The following KLF3 variants were observed in gnomAD, a reference collection of about 807,000 sequenced individuals.
KLF3 encodes the protein KLF transcription factor 3, also known as Krueppel-like factor 3.
KLF3 carries 6 observed loss-of-function variants against 32.7 expected under a neutral mutation model. The ratio of observed to expected loss-of-function variants is 0.18; its 90% CI spans 0.10 to 0.36. The LOEUF is 0.36. Ranked by LOEUF, KLF3 falls within the 10% of genes least tolerant of loss-of-function variation. The pLI is 1.00. For missense variants in KLF3, 338 were observed against 449.7 expected (o/e 0.75, Z 2.25); for synonymous variants, 145 against 172.8 (o/e 0.84, Z 1.26).
intron 1 of KLF3, among the ~76,000 whole-genome samples, chr4:38,676,961 T>G (rs1245570004): frequency 1.2e-4 from 18 of 149,926 alleles, no homozygotes; most frequent in East Asian, 1.2e-3. Context: ...AGTGTGTTTT[T>G]TTTTTTTTTT....
At chr4:38,692,636 T>C (rs570825660) in intron 4 of KLF3, among the ~76,000 whole-genome samples, 1 of 152,292 alleles carries the variant, frequency 6.6e-6, no homozygotes, top group East Asian at 1.9e-4. Flanking sequence ...TCACAGAGAC[T>C]GTCAGTGACA....
At position 38,674,814 on chromosome 4, in the gene KLF3, C is replaced by T. The variant is rs1466858115; in HGVS notation, c.-39-5773C>T. Among the ~76,000 whole-genome samples the T allele has an allele frequency of 6.6e-6, 1 of 152,172 alleles. No homozygotes were observed. Among genetic ancestry groups the T allele is most frequent in the East Asian group, 1.9e-4 (1 of 5,200 alleles). ...ACTGCTCCTGATACGTACACATTCT[C>T]TCTCCACCTTCCTCCTCCCTCAGGA... On this transcript the variant is annotated intron_variant, in intron 1 of 5. Coordinates refer to ENST00000261438, the MANE Select transcript of KLF3 (RefSeq NM_016531.6). The surrounding 1 kb of genome is among the most constrained non-coding windows in gnomAD (Gnocchi z 4.1).
At chr4:38,689,203 A>G (rs1560418936) in intron 3 of KLF3, 132 bp downstream of exon 3, 5 of 1,140,112 alleles carry the variant, frequency 4.4e-6, no homozygotes, top group Non-Finnish European at 4.9e-6. Context: ...TGCCTAAGGC[A>G]TTTCCTTCCC....
chr4:38,686,598 A>G (rs1004390479), intron 2 of KLF3, among the ~76,000 whole-genome samples: 1 of 152,116 alleles, frequency 6.6e-6, no homozygotes, highest in East Asian at 1.9e-4. Flanking sequence ...CAAAATTTGC[A>G]TTTTAACGAG....
rs1249312142 is a variant in KLF3 at position 38,664,202 on chromosome 4, G to A, written c.-299G>A. 1 of 152,030 alleles carries A rather than the reference G, an allele frequency of 6.6e-6. No homozygotes were observed. The highest frequency in any genetic ancestry group is 2.4e-5 in the African/African-American group (1 of 41,402). 9.4% of individuals were successfully genotyped at this position (152,030 alleles called of 1,614,324 possible). The stretch of plus-strand genomic sequence containing the variant: ...CCGCCAGCCCCGGGAGGCTCGCAGA[G>A]CGAGCGGCGCCGGCGTCATGTGACT... On this transcript the variant is annotated 5_prime_UTR_variant, in exon 1 of 6. Transcript: ENST00000261438.
At chr4:38,694,977 C>T (rs569563312) in intron 5 of KLF3, 71 bp downstream of exon 5, 64 of 1,470,888 alleles carry the variant, frequency 4.4e-5, no homozygotes, top group South Asian at 2.3e-4. Flanking sequence ...AAGGTTGTTA[C>T]GATCAAAGTT....
Position 38,680,595 on chromosome 4 carries a change from C to T in KLF3, c.-31C>T. ...CTTGTTTTGTTTTCTAGGCCAAACA[C>T]CAGAGCACCCTAGAAGGTTTAACTA... is the stretch of plus-strand genomic sequence containing the variant. On this transcript the variant is annotated 5_prime_UTR_variant, in exon 2 of 6. Coordinates refer to ENST00000261438, the MANE Select transcript of KLF3 (RefSeq NM_016531.6). 4 of 1,579,940 alleles carry T rather than the reference C, an allele frequency of 2.5e-6. No homozygotes were observed. Among genetic ancestry groups the T allele is most frequent in the Non-Finnish European group, 3.5e-6 (4 of 1,149,370 alleles).
At position 38,700,247 on chromosome 4, in the gene KLF3, A is replaced by G. The variant is rs1478211162; in HGVS notation, c.*2984A>G. The G allele has an allele frequency of 3.3e-5, 5 of 152,224 alleles. No individual in the cohort carries two copies. The highest frequency in any genetic ancestry group is 7.3e-5 in the Non-Finnish European group (5 of 68,040). The allele number at this position is 152,224 out of a possible 1,614,324, so 9.4% of individuals were successfully genotyped here. A position where few individuals can be genotyped will look rare whatever the true frequency, so the allele number is the denominator to read the frequency against. On this transcript the variant is annotated 3_prime_UTR_variant, in exon 6 of 6. Coordinates refer to ENST00000261438, the MANE Select transcript of KLF3 (RefSeq NM_016531.6). Reference sequence around the variant, plus strand: ...GTTTCAAGAGCCTTGGAACAGAATTACAGGGGAACTATATATGTATATGTA... The same window carrying G: ...GTTTCAAGAGCCTTGGAACAGAATTGCAGGGGAACTATATATGTATATGTA...
At position 38,689,035 on chromosome 4, in the gene KLF3, T is replaced by C. The variant is rs1722793256; in HGVS notation, c.508T>C (p.Ser170Pro). The change falls in exon 3 of 6, where the codon TCG (serine) becomes CCG (proline). Residue 170 changes from serine (S) to proline (P), a missense_variant. By Grantham distance (74) the Ser-to-Pro change is moderately conservative. This residue lies in a region of KLF3 where 272 missense variants were observed against 313.4 expected (regional missense o/e 0.87). Coordinates refer to ENST00000261438, the MANE Select transcript of KLF3 (RefSeq NM_016531.6). ...HLQQPLMVSL[S>P]EEMENSSSSM... ...CCAGCAGCCTCTCATGGTCTCCTTA[T>C]CGGAGGAGATGGAAAATTCCAGTAG... The C allele has an allele frequency of 6.2e-7, 1 of 1,613,898 alleles. No homozygotes were observed. The highest frequency in any genetic ancestry group is 8.5e-7 in the Non-Finnish European group (1 of 1,179,750).
chr4:38,669,893 C>CAAAAAAAAAAA lies in KLF3; in HGVS notation c.-40+5452_-40+5462dup, dbSNP rs60339860. Among the ~76,000 whole-genome samples the CAAAAAAAAAAA allele has an allele frequency of 4.9e-4, 20 of 41,178 alleles. 2 individuals carry two copies. The highest frequency in any genetic ancestry group is 1.5e-3 in the East Asian group (1 of 676). 27.0% of individuals were successfully genotyped at this position (41,178 alleles called of 152,430 possible). On this transcript the variant is annotated intron_variant, in intron 1 of 5. Transcript: ENST00000261438. ...GGGCAACAAGAGTGAGACTCTGTCTCAAAAAAAAAAAAAAAAAAAAAAAAA... is the reference window on the plus strand; with the variant it reads ...GGGCAACAAGAGTGAGACTCTGTCTCAAAAAAAAAAAAAAAAAAAAAAAAAAAAAAAAAAAA...
chr4:38,665,145 G>C (rs1721987302), intron 1 of KLF3, among the ~76,000 whole-genome samples: 1 of 152,160 alleles, frequency 6.6e-6, no homozygotes, highest in African/African-American at 2.4e-5. Context: ...CCCAGGAGCT[G>C]CCAGGGCGTC....
intron 1 of KLF3, among the ~76,000 whole-genome samples, chr4:38,673,845 T>G (rs564077201): frequency 2.0e-5 from 3 of 152,270 alleles, no homozygotes; most frequent in South Asian, 4.1e-4. Flanking sequence ...ATGTCCTGTT[T>G]GGACAAGTTG....
intron 1 of KLF3, among the ~76,000 whole-genome samples, chr4:38,673,798 C>G (rs1005686338): frequency 6.6e-6 from 1 of 151,990 alleles, no homozygotes; most frequent in African/African-American, 2.4e-5. Flanking sequence ...TTGGTCTTTC[C>G]GAAGTACAGG....
chr4:38,672,473 G>T (rs116041676), intron 1 of KLF3, among the ~76,000 whole-genome samples: 104 of 152,330 alleles, frequency 6.8e-4, no homozygotes, highest in African/African-American at 2.4e-3. Flanking sequence ...ACAGAGTGGG[G>T]AGGGCCTTGA....
chr4:38,665,922 AT>A (rs966776276), intron 1 of KLF3, among the ~76,000 whole-genome samples: 2 of 152,166 alleles, frequency 1.3e-5, no homozygotes, highest in African/African-American at 4.8e-5. Flanking sequence ...ATATCTACAA[AT>A]TTTTTGGAGT....
chr4:38,676,826 A>G (rs1238259393), intron 1 of KLF3, among the ~76,000 whole-genome samples: 1 of 152,142 alleles, frequency 6.6e-6, no homozygotes, highest in African/African-American at 2.4e-5. Flanking sequence ...TTATTAACTT[A>G]AATACTTCTG....
chr4:38,670,908 C>A (rs16994702), intron 1 of KLF3, among the ~76,000 whole-genome samples: 1,890 of 152,328 alleles, frequency 0.012, 49 homozygotes, highest in African/African-American at 0.044. Context: ...AAATTATGTG[C>A]AATCATTACT....
rs369507469 is a variant in KLF3, at chr4:38,682,178, C to G, written c.57+1496C>G. ...GGTTCAAGTGATTCTCCTGCCTCAG[C>G]CACCATAGTAGCTGGGATTACAGGC... On this transcript the variant is annotated intron_variant, in intron 2 of 5. Coordinates refer to ENST00000261438, the MANE Select transcript of KLF3 (RefSeq NM_016531.6). Among the ~76,000 whole-genome samples, 26 of 152,376 alleles carry G rather than the reference C, an allele frequency of 1.7e-4. No individual in the cohort carries two copies. The East Asian group carries it at 1.7e-3, about 10-fold the overall frequency.
rs1315634289 is a variant in KLF3 at position 38,674,947 on chromosome 4, T to A, written c.-39-5640T>A. Among the ~76,000 whole-genome samples, 1 of 151,960 alleles carries A rather than the reference T, an allele frequency of 6.6e-6. No homozygotes were observed. Among genetic ancestry groups the A allele is most frequent in the Non-Finnish European group, 1.5e-5 (1 of 67,984 alleles). On this transcript the variant is annotated intron_variant, in intron 1 of 5. Transcript: ENST00000261438. The surrounding 1 kb of genome is among the most constrained non-coding windows in gnomAD (Gnocchi z 4.1). ...AGTAACCCCCTAACCTCGTCTTCCA[T>A]GAAGGACTGTGTGTGTGTTTCTAAG...
Sources: allele counts gnomAD v4.1 joint callset (sites outside exome capture counted in the v4.1 genomes callset), GRCh38; gene constraint gnomAD v4.1.1; regional missense constraint gnomAD v4.1.1; non-coding constraint Gnocchi (gnomAD v3.1); transcripts MANE v1.5; gene names NCBI Gene and HGNC (gene_info 2026-07-23, HGNC 2026-07-21).